Variants in FNDC5 observed in about 807,000 individuals in gnomAD.
FNDC5 encodes the protein fibronectin type III domain-containing protein 5.
Under a neutral mutation model 24.6 loss-of-function variants are expected in FNDC5, and 10 were observed. The ratio of observed to expected loss-of-function variants is 0.41; its 90% CI spans 0.25 to 0.69. The LOEUF is 0.69. FNDC5 is among the 30% of genes least tolerant of loss of function. The probability of loss-of-function intolerance (pLI) is 0.34; values close to 1 mark genes in which losing one functional copy is unlikely to be tolerated. For synonymous variants in FNDC5, 90 were observed against 110.7 expected, an observed-to-expected ratio of 0.81 and a Z score of 1.18; for missense variants, 226 against 282.9, an observed-to-expected ratio of 0.80 and a Z score of 1.44.
chr1:32,870,587 C>T (rs969428690), intron 1 of FNDC5, 66 bp downstream of exon 1: 2 of 1,007,294 alleles, frequency 2.0e-6, no homozygotes, highest in African/African-American at 3.4e-5. Flanking sequence ...GACCAGGGGA[C>T]TCCCAGGTAG....
At chr1:32,864,364 G>C in intron 5 of FNDC5, 65 bp from the exon 6 acceptor site, 3 of 1,600,722 alleles carry the variant, frequency 1.9e-6, no homozygotes, top group South Asian at 2.2e-5. Context: ...ACAAGGCACA[G>C]CAGGAGCAGG....
intron 5 of FNDC5, 76 bp downstream of exon 5, chr1:32,864,588 G>C (rs758159093): frequency 5.2e-5 from 84 of 1,602,942 alleles, no homozygotes; most frequent in Non-Finnish European, 7.1e-5. Flanking sequence ...TCCCCGAGCT[G>C]ACCCCCTCTG....
intron 1 of FNDC5, among the ~76,000 whole-genome samples, chr1:32,869,498 G>A (rs1263434574): frequency 6.6e-6 from 1 of 152,268 alleles, no homozygotes; most frequent in Admixed American, 6.5e-5. Context: ...TGGACTGGGA[G>A]TGAGGAGAAC....
intron 1 of FNDC5, 36 bp downstream of exon 1, chr1:32,870,617 G>T: frequency 8.6e-7 from 1 of 1,167,392 alleles, no homozygotes; most frequent in South Asian, 4.3e-5. Flanking sequence ...AGAGGAGCCT[G>T]CCCCGGCGCC....
chr1:32,867,223 G>A (rs1437025280), intron 4 of FNDC5, among the ~76,000 whole-genome samples: 1 of 152,214 alleles, frequency 6.6e-6, no homozygotes, highest in Non-Finnish European at 1.5e-5. Context: ...GGGCTAAAGA[G>A]AGGAGTGAAC....
chr1:32,867,921 T>G (rs1641104310), intron 3 of FNDC5, 79 bp from the exon 4 acceptor site: 15 of 1,394,978 alleles, frequency 1.1e-5, no homozygotes, highest in Non-Finnish European at 1.4e-5. Flanking sequence ...AAGACAACAG[T>G]GCTGATTTCT....
Position 32,866,933 on chromosome 1 carries a change from A to G in FNDC5, c.499+820T>C, listed in dbSNP as rs1641081673. Among the ~76,000 whole-genome samples, 3 of 152,150 alleles carry G rather than the reference A, an allele frequency of 2.0e-5. No homozygotes were observed. In the South Asian group the frequency reaches 6.2e-4, roughly 32 times the overall value. ...TAGCAAGACCCTATCTCTACAAAAA[A>G]TAAAAAATTAGCCAGGCATGGTGGC... On this transcript the variant is annotated intron_variant, in intron 4 of 5. Coordinates refer to ENST00000373471, the MANE Select transcript of FNDC5 (RefSeq NM_153756.3).
chr1:32,869,017 C>T lies in FNDC5; in HGVS notation c.95-20G>A, dbSNP rs755836775. ...GACTGTCTGGGGGACGGGGAGGCAC[C>T]TAAGCCTGAGCATCCCCTATTGTGA... On this transcript the variant is annotated intron_variant, in intron 1 of 5. Transcript: ENST00000373471. 3 of 1,211,284 alleles carry T rather than the reference C, an allele frequency of 2.5e-6. No individual in the cohort carries two copies. The African/African-American group carries it at 4.7e-5, about 19-fold the overall frequency. The allele number at this position is 1,211,284 out of a possible 1,614,324, so 75.0% of individuals were successfully genotyped here. A position where few individuals can be genotyped will look rare whatever the true frequency, so the allele number is the denominator to read the frequency against.
Position 32,870,557 on chromosome 1 carries a change from T to G in FNDC5, c.94+96A>C, listed in dbSNP as rs1569996781. The G allele has an allele frequency of 9.9e-6, 7 of 704,314 alleles. No homozygotes were observed. The East Asian group carries it at 3.2e-4, about 33-fold the overall frequency. The allele number at this position is 704,314 out of a possible 1,614,324, so 43.6% of individuals were successfully genotyped here. A position where few individuals can be genotyped will look rare whatever the true frequency, so the allele number is the denominator to read the frequency against. Reference sequence around the variant, plus strand: ...AGCAGTGTTTGGGCCGAGACAGGAGTCCCTAGGGGGCAGAGAAAGGACCAG... The same window carrying G: ...AGCAGTGTTTGGGCCGAGACAGGAGGCCCTAGGGGGCAGAGAAAGGACCAG... On this transcript the variant is annotated intron_variant, in intron 1 of 5. Coordinates refer to ENST00000373471, the MANE Select transcript of FNDC5 (RefSeq NM_153756.3).
intron 4 of FNDC5, among the ~76,000 whole-genome samples, chr1:32,865,134 T>C (rs997954002): frequency 1.3e-5 from 2 of 151,982 alleles, no homozygotes; most frequent in African/African-American, 4.8e-5. Context: ...AGTTTCGCTC[T>C]TGTTGCCCAG....
At chr1:32,867,608 G>T in intron 4 of FNDC5, 145 bp downstream of exon 4, 1 of 690,004 alleles carries the variant, frequency 1.4e-6, no homozygotes, top group Non-Finnish European at 2.4e-6. Flanking sequence ...CTGTTTCCCA[G>T]AACTGTCGTT....
upstream of FNDC5, among the ~76,000 whole-genome samples, chr1:32,872,084 C>T (rs568310275): frequency 6.6e-6 from 1 of 152,340 alleles, no homozygotes; most frequent in Non-Finnish European, 1.5e-5. Flanking sequence ...GAAACGTCTT[C>T]AGGGTCTTCC....
At chr1:32,871,920 C>G (rs1289364310), upstream of FNDC5, among the ~76,000 whole-genome samples, 1 of 152,184 alleles carries the variant, frequency 6.6e-6, no homozygotes, top group Non-Finnish European at 1.5e-5. Flanking sequence ...GGGCTCAGGG[C>G]CTTTTGTCTC....
At chr1:32,871,899 G>A (rs1478337057), upstream of FNDC5, among the ~76,000 whole-genome samples, 1 of 152,216 alleles carries the variant, frequency 6.6e-6, no homozygotes, top group Non-Finnish European at 1.5e-5. Flanking sequence ...GGAGGAGAGA[G>A]GCATGGACCA....
chr1:32,865,292 T>C (rs1357935497), intron 4 of FNDC5, among the ~76,000 whole-genome samples: 1 of 141,020 alleles, frequency 7.1e-6, no homozygotes, highest in African/African-American at 2.7e-5. Flanking sequence ...AGAGACGGGG[T>C]TTCTCCATGT....
At position 32,864,319 on chromosome 1, in the gene FNDC5, A is replaced by G. The variant is rs1641027141; in HGVS notation, c.634-20T>C. 1.2e-6 allele frequency: 2 copies of G among 1,613,924 alleles called. No individual in the cohort carries two copies. Among genetic ancestry groups the G allele is most frequent in the Admixed American group, 3.3e-5 (2 of 60,004 alleles). On this transcript the variant is annotated intron_variant, in intron 5 of 5. Coordinates refer to ENST00000373471, the MANE Select transcript of FNDC5 (RefSeq NM_153756.3). ...TCATATCTGTTTTACAGAAGAGGAA[A>G]TGAAGGTACAGCGGTAAAGCACCTG...
chr1:32,868,478 A>G lies in FNDC5; in HGVS notation c.211-90T>C. 1 of 1,318,972 alleles carries G rather than the reference A, an allele frequency of 7.6e-7. No individual in the cohort carries two copies. Among genetic ancestry groups the G allele is most frequent in the Non-Finnish European group, 1.0e-6 (1 of 957,334 alleles). 81.7% of individuals were successfully genotyped at this position (1,318,972 alleles called of 1,614,324 possible). On this transcript the variant is annotated intron_variant, in intron 2 of 5. Transcript: ENST00000373471. This position sits in a 1 kb window ranked among gnomAD's most constrained non-coding sequence, Gnocchi z 4.8. The stretch of plus-strand genomic sequence containing the variant: ...CAGTGGTGACAAAGCCTTTACATAC[A>G]CAATCTTCATCATTCCATCACCTCC...
chr1:32,862,324 G>A lies in FNDC5; in HGVS notation c.*1970C>T, dbSNP rs1290683623. The A allele has an allele frequency of 6.6e-6, 1 of 152,626 alleles. No individual in the cohort carries two copies. The highest frequency in any genetic ancestry group is 2.4e-5 in the African/African-American group (1 of 41,440). 9.5% of individuals were successfully genotyped at this position (152,626 alleles called of 1,614,324 possible). ...TAAAAAGTGGTTATTGCTCTAAGTG[G>A]ATCAGAGGTAAGGACCTCTCCCCTA... On this transcript the variant is annotated 3_prime_UTR_variant, in exon 6 of 6. Transcript: ENST00000373471.
rs1641126152 is a variant in FNDC5 at position 32,868,903 on chromosome 1, G to A, written c.189C>T (p.Ile63=). ...TTACCTGCTGGGAGATGGCAAATCC[G>A]ATGACAACCTCATCCTCCAGAACAT... is the stretch of plus-strand genomic sequence containing the variant. The change falls in exon 2 of 6, where the codon ATC becomes ATT. Residue 63 remains isoleucine (I), a synonymous_variant. Coordinates refer to ENST00000373471, the MANE Select transcript of FNDC5 (RefSeq NM_153756.3). This position sits in a 1 kb window ranked among gnomAD's most constrained non-coding sequence, Gnocchi z 4.8. The A allele has an allele frequency of 1.6e-6, 2 of 1,238,520 alleles. No homozygotes were observed. The highest frequency in any genetic ancestry group is 2.0e-6 in the Non-Finnish European group (2 of 991,440). The allele number at this position is 1,238,520 out of a possible 1,614,324, so 76.7% of individuals were successfully genotyped here. A position where few individuals can be genotyped will look rare whatever the true frequency, so the allele number is the denominator to read the frequency against.
Sources: allele counts gnomAD v4.1 joint callset (sites outside exome capture counted in the v4.1 genomes callset), GRCh38; gene constraint gnomAD v4.1.1; non-coding constraint Gnocchi (gnomAD v3.1); transcripts MANE v1.5; gene names NCBI Gene and HGNC (gene_info 2026-07-23, HGNC 2026-07-21).